Variants in ABCB1 observed in about 807,000 individuals in gnomAD.
The protein encoded by ABCB1 is ATP binding cassette subfamily B member 1.
ABCB1 carries 69 observed loss-of-function variants against 142.0 expected under a neutral mutation model. The observed-to-expected ratio is 0.49, with a 90% CI of 0.40 to 0.59. The LOEUF is 0.59. ABCB1 is among the 20% of genes least tolerant of loss of function. The pLI is 0.00. For synonymous variants in ABCB1, 532 were observed against 539.2 expected (o/e 0.99, Z 0.18); for missense variants, 1,326 against 1,554.7 (o/e 0.85, Z 2.47).
At chr7:87,669,908 T>A (rs903978784) in intron 1 of ABCB1, among the ~76,000 whole-genome samples, 2 of 152,214 alleles carry the variant, frequency 1.3e-5, no homozygotes, top group African/African-American at 4.8e-5. Context: ...TAAAAGTCTT[T>A]CTTTCATTTT....
At chr7:87,529,854 G>C (rs1266050764) in intron 21 of ABCB1, among the ~76,000 whole-genome samples, 1 of 152,186 alleles carries the variant, frequency 6.6e-6, no homozygotes, top group South Asian at 2.1e-4. Flanking sequence ...CCCTGGCAGG[G>C]GCCAACGTTA....
intron 1 of ABCB1, among the ~76,000 whole-genome samples, chr7:87,652,561 A>G (rs554405872): frequency 2.0e-5 from 3 of 149,688 alleles, no homozygotes; most frequent in South Asian, 4.2e-4. Flanking sequence ...GAATTGTGTT[A>G]ATTTTTTAAG....
At chr7:87,706,959 TG>T (rs749049667) in intron 1 of ABCB1, among the ~76,000 whole-genome samples, 5 of 152,210 alleles carry the variant, frequency 3.3e-5, no homozygotes, top group African/African-American at 4.8e-5. Flanking sequence ...GCAAGCAAGG[TG>T]AAGGGGAACT....
At chr7:87,604,018 A>G (rs1272165786), upstream of ABCB1, among the ~76,000 whole-genome samples, 1 of 152,140 alleles carries the variant, frequency 6.6e-6, no homozygotes, top group Admixed American at 6.5e-5. Flanking sequence ...TTTGCAACTC[A>G]TGTATGTAGT....
intron 21 of ABCB1, 126 bp from the exon 22 acceptor site, chr7:87,521,002 T>A: frequency 4.0e-6 from 3 of 753,598 alleles, no homozygotes; most frequent in South Asian, 3.1e-5. Context: ...TATGAGCATT[T>A]TCTCTGTAGA....
upstream of ABCB1, chr7:87,601,097 G>A (rs200932745): frequency 3.9e-5 from 6 of 152,196 alleles, no homozygotes; most frequent in African/African-American, 1.4e-4. Context: ...GGCAAGTAGA[G>A]AAACGCGCAT....
intron 3 of ABCB1, among the ~76,000 whole-genome samples, chr7:87,587,574 A>T (rs2129936422): frequency 6.6e-6 from 1 of 152,242 alleles, no homozygotes; most frequent in South Asian, 2.1e-4. Context: ...TCCAGCTTTG[A>T]AAGTTTACCA....
chr7:87,624,934 A>G (rs930247376), intron 1 of ABCB1, among the ~76,000 whole-genome samples: 4 of 152,222 alleles, frequency 2.6e-5, no homozygotes, highest in African/African-American at 9.6e-5. Flanking sequence ...TAACATGTCA[A>G]CTAAATCCTT....
chr7:87,562,062 T>C (rs1408338514), intron 7 of ABCB1, among the ~76,000 whole-genome samples: 4 of 152,108 alleles, frequency 2.6e-5, no homozygotes, highest in African/African-American at 7.2e-5. Flanking sequence ...ATTCTTTCAA[T>C]AAAAAATTCA....
chr7:87,522,264 T>A (rs1815549187), intron 21 of ABCB1: 18 of 916,178 alleles, frequency 2.0e-5, no homozygotes, highest in Admixed American at 1.5e-4. Context: ...CAATTAGTTT[T>A]ACATTTTGGA....
intron 1 of ABCB1, among the ~76,000 whole-genome samples, chr7:87,640,772 C>A (rs1282810180): frequency 6.6e-6 from 1 of 152,084 alleles, no homozygotes; most frequent in Admixed American, 6.5e-5. Context: ...TCTATTGACT[C>A]CTTTTCTAGT....
At chr7:87,681,696 T>G (rs1436114317) in intron 1 of ABCB1, among the ~76,000 whole-genome samples, 1 of 139,876 alleles carries the variant, frequency 7.1e-6, no homozygotes, top group Non-Finnish European at 1.5e-5. Flanking sequence ...TGCTGAAGGA[T>G]GGGGTGGATA....
intron 1 of ABCB1, among the ~76,000 whole-genome samples, chr7:87,709,850 A>T (rs1297210013): frequency 3.3e-5 from 5 of 152,214 alleles, no homozygotes; most frequent in Non-Finnish European, 7.4e-5. Context: ...TTCTTACTAC[A>T]AATATGATCT....
intron 1 of ABCB1, among the ~76,000 whole-genome samples, chr7:87,653,423 G>A (rs955939559): frequency 6.6e-6 from 1 of 152,058 alleles, no homozygotes; most frequent in Non-Finnish European, 1.5e-5. Flanking sequence ...ACTTCAGCTA[G>A]CACAAAGGAT....
intron 1 of ABCB1, among the ~76,000 whole-genome samples, chr7:87,613,012 T>G (rs376825666): frequency 1.8e-4 from 8 of 45,628 alleles, no homozygotes; most frequent in Admixed American, 5.0e-4. Context: ...TTTTGGTGGG[T>G]TTTTTTTTTT....
intron 25 of ABCB1, among the ~76,000 whole-genome samples, chr7:87,511,180 C>A (rs955494658): frequency 1.3e-5 from 2 of 152,136 alleles, no homozygotes; most frequent in African/African-American, 4.8e-5. Flanking sequence ...CTGAAGAATT[C>A]TTTCTTTAAG....
At chr7:87,609,073 G>T (rs1480018272) in intron 1 of ABCB1, among the ~76,000 whole-genome samples, 1 of 152,116 alleles carries the variant, frequency 6.6e-6, no homozygotes, top group Non-Finnish European at 1.5e-5. Flanking sequence ...AGAGTAGGCA[G>T]ATAGATAACA....
intron 1 of ABCB1, among the ~76,000 whole-genome samples, chr7:87,686,152 A>G (rs114436184): frequency 9.1e-4 from 138 of 151,788 alleles, no homozygotes; most frequent in African/African-American, 3.3e-3. Context: ...TCCACCCACA[A>G]TTTTTTTTCT....
At chr7:87,563,299 T>C in intron 7 of ABCB1, 1 of 427,910 alleles carries the variant, frequency 2.3e-6, no homozygotes, top group South Asian at 1.7e-5. Flanking sequence ...GGGACTCCTC[T>C]CTGACCCATT....
Sources: gnomAD v4.1 joint callset for allele counts (sites outside exome capture counted in the v4.1 genomes callset) on GRCh38, gnomAD v4.1.1 for gene constraint, MANE v1.5 for transcripts, NCBI Gene and HGNC (gene_info 2026-07-23, HGNC 2026-07-21) for gene names.